ITGAX: variants seen among roughly 807,000 people sequenced by gnomAD.
ITGAX encodes the protein integrin alpha-X.
A neutral mutation model predicts 140.2 loss-of-function variants in ITGAX; 99 were observed. The ratio of observed to expected loss-of-function variants is 0.71; its 90% CI spans 0.60 to 0.83. ITGAX has a LOEUF of 0.83. Among genes scored for constraint, ITGAX ranks in the 40% least tolerant of loss-of-function variants. The pLI, the probability that ITGAX is intolerant of heterozygous loss-of-function variation, is 0.00. For synonymous variants in ITGAX, 631 were observed against 600.4 expected (o/e 1.05, Z -0.75); for missense variants, 1,444 against 1,482.0 (o/e 0.97, Z 0.42).
At position 31,381,979 on chromosome 16, in the gene ITGAX, G is replaced by A; in HGVS notation, c.*72G>A. ...TTACTTACCCTCACCTGTCAGGCCTGACGGGGAGGAACCACTGCACCACCG... is the reference window on the plus strand; with the variant it reads ...TTACTTACCCTCACCTGTCAGGCCTAACGGGGAGGAACCACTGCACCACCG... On this transcript the variant is annotated 3_prime_UTR_variant, in exon 30 of 30. Coordinates refer to ENST00000268296, the MANE Select transcript of ITGAX (RefSeq NM_000887.5). The A allele has an allele frequency of 1.3e-6, 2 of 1,491,612 alleles. No homozygotes were observed. The highest frequency in any genetic ancestry group is 1.8e-6 in the Non-Finnish European group (2 of 1,089,672). 92.4% of individuals were successfully genotyped at this position (1,491,612 alleles called of 1,614,324 possible).
At chr16:31,370,518 G>C (rs1002766400) in intron 14 of ITGAX, among the ~76,000 whole-genome samples, 15 of 152,116 alleles carry the variant, frequency 9.9e-5, no homozygotes, top group African/African-American at 1.7e-4. Flanking sequence ...TCTGGTGTTA[G>C]GTCTGCAGTC....
At chr16:31,358,536 A>T (rs986992387) in intron 5 of ITGAX, 2 of 151,850 alleles carry the variant, frequency 1.3e-5, no homozygotes, top group African/African-American at 4.8e-5. Context: ...CAGGAGTTGG[A>T]GGCTGTAGGG....
At position 31,372,383 on chromosome 16, in the gene ITGAX, C is replaced by A; in HGVS notation, c.2166C>A (p.Cys722Ter). 1 of 1,604,692 alleles carries A rather than the reference C, an allele frequency of 6.2e-7. No individual in the cohort carries two copies. The highest frequency in any genetic ancestry group is 8.5e-7 in the Non-Finnish European group (1 of 1,177,604). Residue 722 changes from cysteine to a stop codon, truncating the protein, a stop_gained, in exon 18 of 30, where the codon TGC (cysteine) becomes TGA (stop). Coordinates refer to ENST00000268296, the MANE Select transcript of ITGAX (RefSeq NM_000887.5). LOFTEE classifies it high-confidence loss of function. Reference protein sequence around the residue: ...CENFNLLLPSCVEDSVTPITL... With the variant: ...CENFNLLLPS ...CCGCGACGCCCGTCCCCCAGAGCTG[C>A]GTGGAGGACTCTGTGACCCCCATTA... is the stretch of plus-strand genomic sequence containing the variant.
At position 31,382,047 on chromosome 16, in the gene ITGAX, C is replaced by T. The variant is rs1244104719; in HGVS notation, c.*140C>T. 10 of 1,442,998 alleles carry T rather than the reference C, an allele frequency of 6.9e-6. No homozygotes were observed. The highest frequency in any genetic ancestry group is 2.9e-5 in the South Asian group (2 of 68,696). 89.4% of individuals were successfully genotyped at this position (1,442,998 alleles called of 1,614,324 possible). On this transcript the variant is annotated 3_prime_UTR_variant, in exon 30 of 30. Transcript: ENST00000268296. The stretch of plus-strand genomic sequence containing the variant: ...CCTGCTTCCTGTCTTTGGGAGAAAA[C>T]GTCTTGCTTGGGAAGGGGCCTTTGT...
At chr16:31,376,313 G>T (rs1186438271) in intron 20 of ITGAX, among the ~76,000 whole-genome samples, 1 of 152,148 alleles carries the variant, frequency 6.6e-6, no homozygotes, top group Non-Finnish European at 1.5e-5. Flanking sequence ...AGATAGCTAT[G>T]GGGGAGCTTT....
chr16:31,357,259 G>A lies in ITGAX; in HGVS notation c.325G>A (p.Gly109Ser), dbSNP rs776198821. ...TTSPSQLLAC[G>S]PTVHHECGRN... ...CAGCCCGCTGTGTCCCCAGGCCTGC[G>A]GCCCCACCGTGCACCACGAGTGCGG... Residue 109 changes from glycine to serine, a missense_variant, in exon 5 of 30, where the codon GGC becomes AGC. Coordinates refer to ENST00000268296, the MANE Select transcript of ITGAX (RefSeq NM_000887.5). The A allele has an allele frequency of 1.3e-5, 21 of 1,602,930 alleles. No homozygotes were observed. The highest frequency in any genetic ancestry group is 1.7e-4 in the Middle Eastern group (1 of 6,046).
rs191713688 is a variant in ITGAX, at chr16:31,359,842, G to C, written c.561+12G>C. ...GACCCAGCACCCAGGTGTGCCTTTG[G>C]GGGAGGGAGGCTGCTGGGGGTGGGT... On this transcript the variant is annotated intron_variant, in intron 6 of 29. Transcript: ENST00000268296. The C allele has an allele frequency of 6.2e-6, 10 of 1,613,990 alleles. No homozygotes were observed. Among genetic ancestry groups the C allele is most frequent in the Admixed American group, 5.0e-5 (3 of 60,006 alleles).
chr16:31,371,242 C>T (rs2080954994), intron 15 of ITGAX, 28 bp downstream of exon 15: 4 of 1,603,134 alleles, frequency 2.5e-6, no homozygotes, highest in African/African-American at 1.3e-5. Context: ...CAGAGGCTCC[C>T]CAGGTGGTCC....
intron 26 of ITGAX, 41 bp downstream of exon 26, chr16:31,380,106 A>G (rs775023769): frequency 3.8e-6 from 6 of 1,587,798 alleles, no homozygotes; most frequent in South Asian, 3.3e-5. Context: ...TAGGCCCCAC[A>G]TCAGAGGAAT....
At chr16:31,365,923 T>TAAACAAAC (rs56112508) in intron 14 of ITGAX, among the ~76,000 whole-genome samples, 42 of 151,650 alleles carry the variant, frequency 2.8e-4, no homozygotes, top group African/African-American at 6.0e-4. Flanking sequence ...ACTCCATCTC[T>TAAACAAAC]AAACAAACAA....
rs1226416343 is a variant in ITGAX at position 31,372,563 on chromosome 16, C to A, written c.2293-34C>A. 4 of 1,613,828 alleles carry A rather than the reference C, an allele frequency of 2.5e-6. No homozygotes were observed. The East Asian group carries it at 8.9e-5, about 36-fold the overall frequency. Reference sequence around the variant, plus strand: ...AGGGTGCACAGCGTGGGGCCTGGGTCTCGGAGAAAACCCCCCGTTGCCTTC... The same window carrying A: ...AGGGTGCACAGCGTGGGGCCTGGGTATCGGAGAAAACCCCCCGTTGCCTTC... On this transcript the variant is annotated intron_variant, in intron 18 of 29. Transcript: ENST00000268296.
At chr16:31,355,803 G>A in intron 1 of ITGAX, 90 bp from the exon 2 acceptor site, 1 of 963,488 alleles carries the variant, frequency 1.0e-6, no homozygotes. Flanking sequence ...CAGGCTCGGA[G>A]GGGAGATTGG....
At position 31,359,708 on chromosome 16, in the gene ITGAX, A is replaced by T; in HGVS notation, c.439A>T (p.Arg147Ter). The T allele has an allele frequency of 6.2e-7, 1 of 1,614,116 alleles. No homozygotes were observed. The highest frequency in any genetic ancestry group is 8.5e-7 in the Non-Finnish European group (1 of 1,180,000). Residue 147 changes from arginine to a stop codon, truncating the protein, a stop_gained, in exon 6 of 30, where the codon AGA becomes TGA. Coordinates refer to ENST00000268296, the MANE Select transcript of ITGAX (RefSeq NM_000887.5). LOFTEE classifies it high-confidence loss of function. ...GCCACCTCCTTCCCCAGAGTGCCCA[A>T]GACAGGAGCAGGACATTGTGTTCCT... ...RLPVSRQECPRQEQDIVFLID... is the reference protein window; with the variant it reads ...RLPVSRQECP
rs779431035 is a variant in ITGAX at position 31,355,947 on chromosome 16, G to A, written c.92G>A (p.Arg31His). Residue 31 changes from arginine to histidine, a missense_variant, in exon 2 of 30, where the codon CGT becomes CAT. By Grantham distance (29) the Arg-to-His change is conservative. Transcript: ENST00000268296. ...NLDTEELTAF[R>H]VDSAGFGDSV... is the part of the protein sequence containing the mutation. ...GACACAGAGGAGCTGACAGCCTTCCGTGTGGACAGCGCTGGGTTTGGAGAC... is the reference window on the plus strand; with the variant it reads ...GACACAGAGGAGCTGACAGCCTTCCATGTGGACAGCGCTGGGTTTGGAGAC... 13 of 1,613,854 alleles carry A rather than the reference G, an allele frequency of 8.1e-6. No homozygotes were observed. In the East Asian group the frequency reaches 8.9e-5, roughly 11 times the overall value.
At chr16:31,356,214 C>A in intron 2 of ITGAX, 1 of 511,532 alleles carries the variant, frequency 2.0e-6, no homozygotes, top group Non-Finnish European at 3.5e-6. Context: ...CAGGTGGATG[C>A]TGATTTAGTC....
chr16:31,378,162 C>T lies in ITGAX; in HGVS notation c.2789+897C>T, dbSNP rs1263318160. Among the ~76,000 whole-genome samples, 6 of 152,178 alleles carry T rather than the reference C, an allele frequency of 3.9e-5. No individual in the cohort carries two copies. In the East Asian group the frequency reaches 1.2e-3, roughly 29 times the overall value. On this transcript the variant is annotated intron_variant, in intron 23 of 29. Transcript: ENST00000268296. ...TGTGGGCCCTCCCTCCCCTCCAAGCCCCAGGCCCGGAAAAGCCAAGGAAAT... is the reference window on the plus strand; with the variant it reads ...TGTGGGCCCTCCCTCCCCTCCAAGCTCCAGGCCCGGAAAAGCCAAGGAAAT...
At chr16:31,358,265 A>C (rs1023942142) in intron 5 of ITGAX, 2 of 152,238 alleles carry the variant, frequency 1.3e-5, no homozygotes, top group African/African-American at 4.8e-5. Flanking sequence ...AACTTCACAC[A>C]GGAGGGGAGT....
At chr16:31,374,664 ACCC>A (rs1313997604) in intron 20 of ITGAX, among the ~76,000 whole-genome samples, 1 of 152,022 alleles carries the variant, frequency 6.6e-6, no homozygotes, top group African/African-American at 2.4e-5. Flanking sequence ...CTGGTCTCTA[ACCC>A]CTGGGTTCAA....
intron 14 of ITGAX, among the ~76,000 whole-genome samples, chr16:31,364,540 G>C (rs1376655808): frequency 1.3e-5 from 2 of 151,056 alleles, no homozygotes; most frequent in Non-Finnish European, 2.9e-5. Flanking sequence ...AATGTCATTA[G>C]TCATCAGCAA....
Sources: allele counts gnomAD v4.1 joint callset (sites outside exome capture counted in the v4.1 genomes callset), GRCh38; gene constraint gnomAD v4.1.1; transcripts MANE v1.5; gene names NCBI Gene and HGNC (gene_info 2026-07-23, HGNC 2026-07-21).